Variants in DPH5 observed in about 807,000 individuals in gnomAD.
DPH5 encodes the protein diphthine methyl ester synthase.
In DPH5, 31 loss-of-function variants were observed where a neutral mutation model predicts 31.6. The observed-to-expected ratio is 0.98, with a 90% CI of 0.74 to 1.32. The LOEUF (loss-of-function observed/expected upper bound fraction) is 1.32, where lower values mean the gene tolerates loss of function less well. DPH5 is among the 40% of genes most tolerant of loss of function. DPH5 has a pLI of 0.00. For synonymous variants in DPH5, 120 were observed against 115.0 expected, an observed-to-expected ratio of 1.04 and a Z score of -0.28; for missense variants, 309 against 335.7, an observed-to-expected ratio of 0.92 and a Z score of 0.62.
chr1:100,999,660 G>A (rs1419572938), intron 5 of DPH5, among the ~76,000 whole-genome samples: 1 of 151,960 alleles, frequency 6.6e-6, no homozygotes, highest in Non-Finnish European at 1.5e-5. Context: ...CCAATATGGC[G>A]AAACCCCATC....
Position 100,990,315 on chromosome 1 carries a change from A to C in DPH5, c.*93T>G. The C allele has an allele frequency of 1.7e-6, 2 of 1,195,328 alleles. No homozygotes were observed. The highest frequency in any genetic ancestry group is 3.6e-5 in the Admixed American group (2 of 54,978). 74.0% of individuals were successfully genotyped at this position (1,195,328 alleles called of 1,614,324 possible). A position where few individuals can be genotyped will look rare whatever the true frequency, so the allele number is the denominator to read the frequency against. On this transcript the variant is annotated 3_prime_UTR_variant, in exon 8 of 8. Transcript: ENST00000370109. ...CAACACCTGGGAATTATGAGGATTAAAATTCAAGATGAGACTTGGGTGGGG... is the reference window on the plus strand; with the variant it reads ...CAACACCTGGGAATTATGAGGATTACAATTCAAGATGAGACTTGGGTGGGG...
intron 4 of DPH5, among the ~76,000 whole-genome samples, chr1:101,008,647 A>C (rs1184196349): frequency 1.3e-5 from 2 of 152,182 alleles, no homozygotes; most frequent in Admixed American, 1.3e-4. Flanking sequence ...ATGTATGCAC[A>C]TATTTGTATG....
At chr1:101,001,303 C>T (rs55693426) in intron 5 of DPH5, among the ~76,000 whole-genome samples, 164 bp downstream of exon 5, 17,696 of 152,144 alleles carry the variant, frequency 0.12, 1,140 homozygotes, top group Non-Finnish European at 0.15. Flanking sequence ...GCAGAAGATG[C>T]GTGTCTCTCT....
At chr1:101,009,252 G>A (rs1659462263) in intron 4 of DPH5, among the ~76,000 whole-genome samples, 1 of 152,178 alleles carries the variant, frequency 6.6e-6, no homozygotes, top group African/African-American at 2.4e-5. Context: ...AGCACAGAAA[G>A]ACTGGCACAG....
chr1:100,992,331 A>G (rs1657831505), intron 7 of DPH5, among the ~76,000 whole-genome samples: 1 of 152,138 alleles, frequency 6.6e-6, no homozygotes, highest in African/African-American at 2.4e-5. Context: ...CATAATAGAT[A>G]TATTTTACAA....
intron 5 of DPH5, 69 bp downstream of exon 5, chr1:101,001,398 C>T: frequency 3.9e-6 from 6 of 1,524,360 alleles, no homozygotes; most frequent in Non-Finnish European, 5.4e-6. Context: ...CAGACCTTAA[C>T]ACAAAATCAA....
rs574048029 is a variant in DPH5, at chr1:100,994,663, A to G, written c.530+447T>C. On this transcript the variant is annotated intron_variant, in intron 6 of 7. Coordinates refer to ENST00000370109, the MANE Select transcript of DPH5 (RefSeq NM_015958.3). ...TGCCTCAACCTCCCAAGTAGCTGAGATTAAAGGCACGTGCCACCACACCCA... is the reference window on the plus strand; with the variant it reads ...TGCCTCAACCTCCCAAGTAGCTGAGGTTAAAGGCACGTGCCACCACACCCA... 2.1e-3 allele frequency among the ~76,000 whole-genome samples: 325 copies of G among 152,142 alleles called. 1 individual carries two copies. Among genetic ancestry groups the G allele is most frequent in the Admixed American group, 3.3e-3 (51 of 15,254 alleles).
In DPH5 at chr1:100,992,729, A is replaced by T. The variant is rs1161700897; in HGVS notation, c.542T>A (p.Ile181Asn). The change falls in exon 7 of 8, where the codon ATC (isoleucine) becomes AAC (asparagine). Residue 181 changes from isoleucine to asparagine, a missense_variant. Transcript: ENST00000370109. ...SLENLIKGRK[I>N]YEPPRYMSVN... is the part of the protein sequence containing the mutation. ...ACTCATATACCGTGGAGGTTCATAG[A>T]TCTTCCTTCCCCTATAGGCAGAAAA... The T allele has an allele frequency of 6.2e-7, 1 of 1,612,552 alleles. No homozygotes were observed. The highest frequency in any genetic ancestry group is 2.2e-5 in the East Asian group (1 of 44,832).
rs1553247258 is a variant in DPH5 at position 100,993,559 on chromosome 1, A to AATATAAATATAT, written c.531-820_531-819insATATATTTATAT. Among the ~76,000 whole-genome samples, 5 of 56,546 alleles carry AATATAAATATAT rather than the reference A, an allele frequency of 8.8e-5. 1 individual carries two copies. Among genetic ancestry groups the AATATAAATATAT allele is most frequent in the African/African-American group, 3.1e-4 (5 of 15,990 alleles). 37.1% of individuals were successfully genotyped at this position (56,546 alleles called of 152,430 possible). A position where few individuals can be genotyped will look rare whatever the true frequency, so the allele number is the denominator to read the frequency against. On this transcript the variant is annotated intron_variant, in intron 6 of 7. Transcript: ENST00000370109. ...AGAGCAAGACTCTGTCGAAAATATA[A>AATATAAATATAT]ATATATATATATATATATATATATA... is the stretch of plus-strand genomic sequence containing the variant.
chr1:101,016,447 C>CT lies in DPH5; in HGVS notation c.261-2630dup, dbSNP rs576540490. Reference sequence around the variant, plus strand: ...ATCTTGGCTTTCCTTTTCTTTCTTTCTTTTTTTTTTTTTTTGACACGGAAT... The same window carrying CT: ...ATCTTGGCTTTCCTTTTCTTTCTTTCTTTTTTTTTTTTTTTTGACACGGAAT... On this transcript the variant is annotated intron_variant, in intron 3 of 7. Coordinates refer to ENST00000370109, the MANE Select transcript of DPH5 (RefSeq NM_015958.3). Among the ~76,000 whole-genome samples the CT allele has an allele frequency of 3.7e-3, 520 of 140,390 alleles. 1 individual carries two copies. Among genetic ancestry groups the CT allele is most frequent in the Admixed American group, 5.1e-3 (72 of 14,036 alleles). The allele number at this position is 140,390 out of a possible 152,430, so 92.1% of individuals were successfully genotyped here. A position where few individuals can be genotyped will look rare whatever the true frequency, so the allele number is the denominator to read the frequency against.
rs78664112 is a variant in DPH5 at position 100,992,777 on chromosome 1, A to T, written c.531-37T>A. ...AAACTAGATGCCACTGTTCTTAGCC[A>T]TGAAACTACATAATATGTTATTAAT... is the stretch of plus-strand genomic sequence containing the variant. On this transcript the variant is annotated intron_variant, in intron 6 of 7. Coordinates refer to ENST00000370109, the MANE Select transcript of DPH5 (RefSeq NM_015958.3). The T allele has an allele frequency of 1.1e-3, 1,585 of 1,379,740 alleles. 5 individuals are homozygous for T. The African/African-American group carries it at 0.02, about 17-fold the overall frequency. 85.5% of individuals were successfully genotyped at this position (1,379,740 alleles called of 1,614,324 possible).
chr1:100,993,558 A>AT (rs1491117605), intron 6 of DPH5, among the ~76,000 whole-genome samples: 11 of 84,448 alleles, frequency 1.3e-4, no homozygotes, highest in Admixed American at 2.9e-4. Context: ...TCGAAAATAT[A>AT]AATATATATA....
chr1:100,990,540 A>G lies in DPH5; in HGVS notation c.726T>C (p.Thr242=), dbSNP rs762967079. The G allele has an allele frequency of 3.7e-6, 6 of 1,614,206 alleles. No individual in the cohort carries two copies. The East Asian group carries it at 8.9e-5, about 24-fold the overall frequency. ...AATGCAATGGTTCTCCCAAGTCCACAGTGCACATTTGCCTTAAAGTGCCTG... is the reference window on the plus strand; with the variant it reads ...AATGCAATGGTTCTCCCAAGTCCACGGTGCACATTTGCCTTAAAGTGCCTG... ...IAAGTLRQMC[T]VDLGEPLHSL... Residue 242 remains threonine (T), a synonymous_variant, in exon 8 of 8, where the codon ACT becomes ACC. Transcript: ENST00000370109.
intron 6 of DPH5, 148 bp from the exon 7 acceptor site, chr1:100,992,888 C>T (rs532064987): frequency 3.5e-4 from 180 of 509,444 alleles, no homozygotes; most frequent in South Asian, 1.2e-3. Context: ...TAAGCATACA[C>T]AAAAGCATGA....
intron 4 of DPH5, among the ~76,000 whole-genome samples, chr1:101,006,202 A>G (rs1267624008): frequency 1.3e-5 from 2 of 152,220 alleles, no homozygotes; most frequent in African/African-American, 4.8e-5. Context: ...TCAATTTCCC[A>G]GTCTTGGGTA....
chr1:100,992,786 C>T (rs761242046), intron 6 of DPH5, 46 bp from the exon 7 acceptor site: 1 of 1,315,576 alleles, frequency 7.6e-7, no homozygotes, highest in Admixed American at 1.7e-5. Context: ...CATGAAACTA[C>T]ATAATATGTT....
intron 7 of DPH5, among the ~76,000 whole-genome samples, chr1:100,992,313 AG>A (rs1293821675): frequency 6.6e-6 from 1 of 152,148 alleles, no homozygotes; most frequent in African/African-American, 2.4e-5. Context: ...ACCATTGATT[AG>A]GGATAACATA....
intron 3 of DPH5, among the ~76,000 whole-genome samples, chr1:101,018,978 A>T (rs1225367425): frequency 1.3e-5 from 2 of 152,238 alleles, no homozygotes; most frequent in Non-Finnish European, 2.9e-5. Context: ...CTACATCAGG[A>T]CATATTATCT....
intron 3 of DPH5, among the ~76,000 whole-genome samples, chr1:101,017,258 T>G (rs1387311639): frequency 6.6e-6 from 1 of 152,248 alleles, no homozygotes; most frequent in Non-Finnish European, 1.5e-5. Context: ...GGTATGCCTG[T>G]ACATAAATTT....
Sources: gnomAD v4.1 joint callset for allele counts (sites outside exome capture counted in the v4.1 genomes callset) on GRCh38, gnomAD v4.1.1 for gene constraint, MANE v1.5 for transcripts, NCBI Gene and HGNC (gene_info 2026-07-23, HGNC 2026-07-21) for gene names.